The following NUMB variants were observed in gnomAD, a reference collection of about 807,000 sequenced individuals.
NUMB encodes the protein NUMB endocytic adaptor protein, also known as protein numb homolog.
Under a neutral mutation model 59.7 loss-of-function variants are expected in NUMB, and 29 were observed. The ratio of observed to expected loss-of-function variants is 0.49; its 90% CI spans 0.36 to 0.66. NUMB has a LOEUF of 0.66. Ranked by LOEUF, NUMB falls within the 30% of genes least tolerant of loss-of-function variation. NUMB has a pLI of 0.00. For synonymous variants in NUMB, 288 were observed against 288.2 expected, an observed-to-expected ratio of 1.00 and a Z score of 0.01; for missense variants, 723 against 822.0, an observed-to-expected ratio of 0.88 and a Z score of 1.47.
In NUMB at chr14:73,372,365, T is replaced by TTATA. The variant is rs34052943; in HGVS notation, c.-100-5388_-100-5385dup. Among the ~76,000 whole-genome samples, 342 of 123,200 alleles carry TTATA rather than the reference T, an allele frequency of 2.8e-3. 6 individuals carry two copies. Among genetic ancestry groups the TTATA allele is most frequent in the Non-Finnish European group, 5.0e-3 (298 of 60,188 alleles). 80.8% of individuals were successfully genotyped at this position (123,200 alleles called of 152,430 possible). On this transcript the variant is annotated intron_variant, in intron 2 of 12. Coordinates refer to ENST00000555238, the MANE Select transcript of NUMB (RefSeq NM_001005743.2). ...CTTTTATATATATATATATAACCTT[T>TTATA]TATATATATATATATAAATGTGTAT... is the stretch of plus-strand genomic sequence containing the variant.
At chr14:73,307,615 A>G (rs933327088) in intron 6 of NUMB, among the ~76,000 whole-genome samples, 16 of 151,768 alleles carry the variant, frequency 1.1e-4, no homozygotes, top group African/African-American at 3.9e-4. Context: ...GAGGAAAAAG[A>G]GGGGATTCAT....
chr14:73,317,710 T>C (rs1346817253), intron 5 of NUMB, among the ~76,000 whole-genome samples: 1 of 152,212 alleles, frequency 6.6e-6, no homozygotes, highest in Non-Finnish European at 1.5e-5. Flanking sequence ...TCAGCACCAA[T>C]TTTTAAGCAC....
At chr14:73,438,261 C>T (rs187657970) in intron 1 of NUMB, among the ~76,000 whole-genome samples, 15 of 152,192 alleles carry the variant, frequency 9.9e-5, no homozygotes, top group East Asian at 7.7e-4. Flanking sequence ...AATTAATAAA[C>T]GCTCTAAGTG....
intron 2 of NUMB, among the ~76,000 whole-genome samples, chr14:73,400,927 T>C (rs1896380529): frequency 6.6e-6 from 1 of 152,190 alleles, no homozygotes; most frequent in Non-Finnish European, 1.5e-5. Flanking sequence ...GTAAATGAAG[T>C]GTTTCCCTGA....
intron 1 of NUMB, among the ~76,000 whole-genome samples, chr14:73,433,304 C>A (rs1354019949): frequency 1.3e-5 from 2 of 152,088 alleles, no homozygotes; most frequent in Non-Finnish European, 2.9e-5. Flanking sequence ...TGCCTGTAGT[C>A]CCAGCTACTT....
chr14:73,379,649 G>T (rs1895134027), intron 2 of NUMB, among the ~76,000 whole-genome samples: 1 of 152,180 alleles, frequency 6.6e-6, no homozygotes, highest in Non-Finnish European at 1.5e-5. Context: ...AAAGGCAGTT[G>T]AGTAGTAAGA....
chr14:73,360,919 T>C (rs1372941900), intron 3 of NUMB, among the ~76,000 whole-genome samples: 2 of 152,118 alleles, frequency 1.3e-5, no homozygotes, highest in Non-Finnish European at 2.9e-5. Flanking sequence ...AGACAGGGTA[T>C]CACTCTGTCA....
intron 2 of NUMB, among the ~76,000 whole-genome samples, chr14:73,406,369 T>G (rs573572350): frequency 1.1e-4 from 17 of 151,810 alleles, no homozygotes; most frequent in Admixed American, 9.9e-4. Flanking sequence ...CTTGTGATAG[T>G]TTGCTGAGAA....
chr14:73,446,135 T>C (rs1158241551), intron 1 of NUMB, among the ~76,000 whole-genome samples: 2 of 151,668 alleles, frequency 1.3e-5, no homozygotes, highest in African/African-American at 4.9e-5. Flanking sequence ...TAGCTGGGAC[T>C]ATAAGCACTC....
At chr14:73,381,793 AT>A (rs1895257661) in intron 2 of NUMB, among the ~76,000 whole-genome samples, 1 of 152,140 alleles carries the variant, frequency 6.6e-6, no homozygotes, top group South Asian at 2.1e-4. Context: ...ATAAATTAAT[AT>A]TGTTTAAAAA....
At chr14:73,300,686 C>T (rs1005448047) in intron 6 of NUMB, among the ~76,000 whole-genome samples, 3 of 152,022 alleles carry the variant, frequency 2.0e-5, no homozygotes, top group African/African-American at 2.4e-5. Context: ...TTAATGTATA[C>T]GAAAGGTTTA....
intron 1 of NUMB, among the ~76,000 whole-genome samples, chr14:73,435,606 C>T (rs1217551191): frequency 6.6e-6 from 1 of 151,900 alleles, no homozygotes; most frequent in Non-Finnish European, 1.5e-5. Flanking sequence ...CACACATGTG[C>T]CCTGTGACAC....
chr14:73,348,403 C>T (rs185961360), intron 4 of NUMB, among the ~76,000 whole-genome samples: 76 of 152,304 alleles, frequency 5.0e-4, no homozygotes, highest in Admixed American at 2.1e-3. Flanking sequence ...AAGCAGAGGT[C>T]CCCAACACCA....
At chr14:73,363,866 T>C (rs1894207240) in intron 3 of NUMB, among the ~76,000 whole-genome samples, 1 of 152,162 alleles carries the variant, frequency 6.6e-6, no homozygotes, top group African/African-American at 2.4e-5. Context: ...CGATGAAAAC[T>C]TGAGCCCAGG....
At chr14:73,365,343 C>T (rs1894293295) in intron 3 of NUMB, among the ~76,000 whole-genome samples, 1 of 152,000 alleles carries the variant, frequency 6.6e-6, no homozygotes, top group South Asian at 2.1e-4. Flanking sequence ...GCCTGGCCAT[C>T]TTATTTTTCT....
chr14:73,407,009 T>C (rs537183486), intron 2 of NUMB, among the ~76,000 whole-genome samples: 1 of 152,112 alleles, frequency 6.6e-6, no homozygotes, highest in South Asian at 2.1e-4. Context: ...GTCCAGCTAA[T>C]TTTTTGTATT....
intron 3 of NUMB, among the ~76,000 whole-genome samples, chr14:73,361,813 G>A (rs1566761393): frequency 6.6e-6 from 1 of 152,054 alleles, no homozygotes; most frequent in Non-Finnish European, 1.5e-5. Context: ...AATGATATAA[G>A]AACACAATGA....
chr14:73,355,356 T>C (rs1044184969), intron 4 of NUMB, among the ~76,000 whole-genome samples: 4 of 152,210 alleles, frequency 2.6e-5, no homozygotes, highest in African/African-American at 9.6e-5. Flanking sequence ...TATTTCAGGA[T>C]TAGTATTCTT....
At chr14:73,320,223 T>G (rs1412363305) in intron 5 of NUMB, among the ~76,000 whole-genome samples, 1 of 152,302 alleles carries the variant, frequency 6.6e-6, no homozygotes, top group African/African-American at 2.4e-5. Flanking sequence ...TTTCATGTTT[T>G]AATAATACAT....
Sources: gnomAD v4.1 joint callset for allele counts (sites outside exome capture counted in the v4.1 genomes callset) on GRCh38, gnomAD v4.1.1 for gene constraint, MANE v1.5 for transcripts, NCBI Gene and HGNC (gene_info 2026-07-23, HGNC 2026-07-21) for gene names.